The following TG variants were observed in gnomAD, a reference collection of about 807,000 sequenced individuals.
TG encodes the protein thyroglobulin, also known as thyroid hormones.
Under a neutral mutation model 324.7 loss-of-function variants are expected in TG, and 270 were observed. The ratio of observed to expected loss-of-function variants is 0.83; its 90% CI spans 0.75 to 0.92. The LOEUF is 0.92. Among genes scored for constraint, TG ranks in the 40% least tolerant of loss-of-function variants. The pLI is 0.00. For synonymous variants in TG, 1,401 were observed against 1,327.0 expected (o/e 1.06, Z -1.21); for missense variants, 3,591 against 3,456.4 (o/e 1.04, Z -0.98).
intron 45 of TG, among the ~76,000 whole-genome samples, chr8:133,116,932 C>G (rs1462170321): frequency 1.3e-5 from 2 of 151,988 alleles, no homozygotes; most frequent in Non-Finnish European, 2.9e-5. Flanking sequence ...TGATGACACA[C>G]TTTAGAACTG....
intron 2 of TG, among the ~76,000 whole-genome samples, chr8:132,869,061 C>G (rs1839233642): frequency 6.6e-6 from 1 of 152,238 alleles, no homozygotes; most frequent in Non-Finnish European, 1.5e-5. Flanking sequence ...AATTCTGGAA[C>G]AGCAAGGAAG....
In TG at chr8:133,093,406, A is replaced by G. The variant is rs375264069; in HGVS notation, c.7240-1638A>G. ...CAGAGTGAGCCACTGGCTGGAGATC[A>G]CGTAGCCCAGGAGCCTTGCTTTGTT... On this transcript the variant is annotated intron_variant, in intron 41 of 47. Transcript: ENST00000220616. Among the ~76,000 whole-genome samples the G allele has an allele frequency of 2.0e-5, 3 of 152,248 alleles. No individual in the cohort carries two copies. The South Asian group carries it at 6.2e-4, about 32-fold the overall frequency.
intron 27 of TG, among the ~76,000 whole-genome samples, chr8:132,954,163 G>C (rs1207869101): frequency 1.3e-5 from 2 of 152,110 alleles, no homozygotes; most frequent in Non-Finnish European, 2.9e-5. Context: ...CCTCAGTGGA[G>C]AAAGTTACAG....
At chr8:133,106,609 C>T (rs1042806914) in intron 43 of TG, 7 of 288,276 alleles carry the variant, frequency 2.4e-5, no homozygotes, top group Middle Eastern at 1.6e-3. Flanking sequence ...ATGTCTGAAC[C>T]CTACCCTCTC....
At chr8:133,038,268 G>A in intron 41 of TG, 1 of 524,744 alleles carries the variant, frequency 1.9e-6, no homozygotes, top group South Asian at 2.1e-5. Context: ...ATACATGCTG[G>A]GCTCTTCCAA....
At chr8:133,028,016 T>C (rs1836266353) in intron 40 of TG, among the ~76,000 whole-genome samples, 1 of 152,230 alleles carries the variant, frequency 6.6e-6, no homozygotes, top group Admixed American at 6.5e-5. Context: ...AATTCATACT[T>C]GTTTGATGAG....
rs201480815 is a variant in TG, at chr8:132,900,322, C to T, written c.3416C>T (p.Ser1139Leu). 1.3e-4 allele frequency: 206 copies of T among 1,612,988 alleles called. No homozygotes were observed. Among genetic ancestry groups the T allele is most frequent in the East Asian group, 3.1e-4 (14 of 44,848 alleles). The change falls in exon 15 of 48, where the codon TCG (serine) becomes TTG (leucine). Residue 1139 changes from serine to leucine, a missense_variant. Coordinates refer to ENST00000220616, the MANE Select transcript of TG (RefSeq NM_003235.5). ...PASGEELRPG[S>L]SSSAQCPSLC... The stretch of plus-strand genomic sequence containing the variant: ...TCAGGAGAAGAGTTGCGGCCTGGCT[C>T]GAGCAGCAGTGCCCAGTGTGAGTAG...
At chr8:132,941,909 C>T (rs537823699) in intron 26 of TG, among the ~76,000 whole-genome samples, 2 of 152,300 alleles carry the variant, frequency 1.3e-5, no homozygotes, top group East Asian at 1.9e-4. Flanking sequence ...GTGTCTTCCA[C>T]AGCACCTTAC....
intron 45 of TG, among the ~76,000 whole-genome samples, chr8:133,121,717 A>C (rs978685923): frequency 6.6e-6 from 1 of 152,158 alleles, no homozygotes; most frequent in African/African-American, 2.4e-5. Flanking sequence ...ACCCATCTCA[A>C]AGGTTGTGAC....
intron 18 of TG, among the ~76,000 whole-genome samples, chr8:132,910,351 G>A (rs1234312628): frequency 3.3e-5 from 5 of 152,196 alleles, no homozygotes; most frequent in Non-Finnish European, 5.9e-5. Flanking sequence ...TGGTGACAGA[G>A]TTCACTTTCC....
intron 41 of TG, chr8:133,072,939 T>C (rs1844294946): frequency 6.6e-6 from 1 of 152,220 alleles, no homozygotes. Flanking sequence ...CCATCATATT[T>C]AACACTGTTT....
rs371583515 is a variant in TG, at chr8:133,119,236, A to G, written c.7862+2520A>G. On this transcript the variant is annotated intron_variant, in intron 45 of 47. Coordinates refer to ENST00000220616, the MANE Select transcript of TG (RefSeq NM_003235.5). ...GTGCTCTCATTTCCCCGGAGCACCC[A>G]TTATTCATCCGCTTTCTCCAAACAG... Among the ~76,000 whole-genome samples, 110 of 152,290 alleles carry G rather than the reference A, an allele frequency of 7.2e-4. 1 individual carries two copies. The highest frequency in any genetic ancestry group is 2.5e-3 in the African/African-American group (105 of 41,558).
chr8:133,062,122 T>C (rs1842449793), intron 41 of TG, among the ~76,000 whole-genome samples: 1 of 152,166 alleles, frequency 6.6e-6, no homozygotes, highest in South Asian at 2.1e-4. Flanking sequence ...ATCCCATCCT[T>C]TTTGGATCCT....
chr8:133,027,099 C>G (rs989735041), intron 40 of TG, among the ~76,000 whole-genome samples: 2 of 152,198 alleles, frequency 1.3e-5, no homozygotes, highest in African/African-American at 2.4e-5. Flanking sequence ...TCCATGGCCA[C>G]TACACTGCAC....
chr8:132,957,452 C>A (rs1235911929), intron 27 of TG, among the ~76,000 whole-genome samples: 1 of 152,096 alleles, frequency 6.6e-6, no homozygotes, highest in African/African-American at 2.4e-5. Flanking sequence ...CTGATGTGCA[C>A]CTGCGGGAAG....
intron 18 of TG, among the ~76,000 whole-genome samples, chr8:132,910,224 A>G (rs776348278): frequency 7.2e-5 from 11 of 152,120 alleles, no homozygotes; most frequent in Non-Finnish European, 1.0e-4. Context: ...CAGGCTTCAT[A>G]TGCATTGGAC....
intron 45 of TG, among the ~76,000 whole-genome samples, chr8:133,131,459 G>T (rs761975682): frequency 6.6e-6 from 1 of 152,220 alleles, no homozygotes; most frequent in Non-Finnish European, 1.5e-5. Context: ...CTTTTTCAGT[G>T]ACTAGAAGAA....
At chr8:132,897,619 T>C (rs1817304861) in intron 11 of TG, 30 bp from the exon 12 acceptor site, 3 of 1,613,880 alleles carry the variant, frequency 1.9e-6, no homozygotes, top group Non-Finnish European at 2.5e-6. Context: ...CAGGTGGTCA[T>C]ATTCTGCTTT....
At chr8:132,994,873 T>G in intron 35 of TG, 3 of 1,242,590 alleles carry the variant, frequency 2.4e-6, no homozygotes, top group Non-Finnish European at 3.1e-6. Context: ...CTTGCTGTGA[T>G]GGAGTAAGAT....
Sources: allele counts gnomAD v4.1 joint callset (sites outside exome capture counted in the v4.1 genomes callset), GRCh38; gene constraint gnomAD v4.1.1; transcripts MANE v1.5; gene names NCBI Gene and HGNC (gene_info 2026-07-23, HGNC 2026-07-21).